The following PIGN variants were observed in gnomAD, a reference collection of about 807,000 sequenced individuals.
The protein encoded by PIGN is phosphatidylinositol glycan anchor biosynthesis class N.
A neutral mutation model predicts 125.4 loss-of-function variants in PIGN; 117 were observed. The ratio of observed to expected loss-of-function variants is 0.93; its 90% confidence interval spans 0.80 to 1.09. The LOEUF (loss-of-function observed/expected upper bound fraction) is 1.09, where lower values mean the gene tolerates loss of function less well. Ranked by LOEUF, PIGN falls within the 50% of genes least tolerant of loss-of-function variation. The pLI, the probability that PIGN is intolerant of heterozygous loss-of-function variation, is 0.00. For missense variants in PIGN, 1,075 were observed against 1,094.9 expected, an observed-to-expected ratio of 0.98 and a Z score of 0.26; for synonymous variants, 392 against 377.8, an observed-to-expected ratio of 1.04 and a Z score of -0.44.
intron 23 of PIGN, among the ~76,000 whole-genome samples, chr18:62,020,431 C>T (rs183295758): frequency 1.5e-4 from 23 of 151,316 alleles, no homozygotes; most frequent in Non-Finnish European, 2.9e-4. Context: ...CGATCTGGAA[C>T]CAGGAGAAAA....
At chr18:62,030,301 G>A (rs528648017) in intron 23 of PIGN, among the ~76,000 whole-genome samples, 1 of 152,202 alleles carries the variant, frequency 6.6e-6, no homozygotes, top group Non-Finnish European at 1.5e-5. Flanking sequence ...GGACTCAGAG[G>A]ACTTGCACAC....
chr18:62,143,359 A>G lies in PIGN; in HGVS notation c.923-13T>C, dbSNP rs1310445964. On this transcript the variant is annotated splice_polypyrimidine_tract_variant and intron_variant, in intron 10 of 30. Transcript: ENST00000640252. ...TCCAATCTCCACTCTGAAAGATACA[A>G]TCAGACACAAGATCTGATGTTAAGA... 4.1e-6 allele frequency: 6 copies of G among 1,477,748 alleles called. No individual in the cohort carries two copies. The highest frequency in any genetic ancestry group is 4.7e-6 in the Non-Finnish European group (5 of 1,069,718). The allele number at this position is 1,477,748 out of a possible 1,614,324, so 91.5% of individuals were successfully genotyped here.
chr18:62,089,493 T>C lies in PIGN; in HGVS notation c.2284-651A>G, dbSNP rs113391760. ...GATGTTTTAATACTCTTTTCTAGAATGAAATACATTTGCTTTTAGTTAAAA... is the reference window on the plus strand; with the variant it reads ...GATGTTTTAATACTCTTTTCTAGAACGAAATACATTTGCTTTTAGTTAAAA... On this transcript the variant is annotated intron_variant, in intron 24 of 30. Transcript: ENST00000640252. Among the ~76,000 whole-genome samples, 482 of 152,240 alleles carry C rather than the reference T, an allele frequency of 3.2e-3. 3 individuals are homozygous for C. Among genetic ancestry groups the C allele is most frequent in the African/African-American group, 0.011 (440 of 41,568 alleles).
chr18:62,049,801 T>C (rs1313491543), intron 30 of PIGN, among the ~76,000 whole-genome samples: 4 of 152,020 alleles, frequency 2.6e-5, no homozygotes, highest in African/African-American at 7.2e-5. Flanking sequence ...TGGTAATGCC[T>C]AGGTTTTCTT....
chr18:62,145,776 T>C (rs2036304677), intron 10 of PIGN, 133 bp downstream of exon 10: 1 of 586,560 alleles, frequency 1.7e-6, no homozygotes, highest in East Asian at 3.0e-5. Context: ...AGTGTTTGTA[T>C]AGAAATAGTA....
At chr18:62,096,352 T>C (rs930745139) in intron 22 of PIGN, among the ~76,000 whole-genome samples, 11 of 152,118 alleles carry the variant, frequency 7.2e-5, no homozygotes. Flanking sequence ...ATGGCATTTA[T>C]TGTTTTGTGA....
At chr18:62,072,523 T>C (rs1282467464) in intron 30 of PIGN, 150 bp downstream of exon 30, 1 of 607,532 alleles carries the variant, frequency 1.6e-6, no homozygotes, top group Non-Finnish European at 2.9e-6. Flanking sequence ...AGCAATAGGC[T>C]GTACCATATC....
intron 23 of PIGN, among the ~76,000 whole-genome samples, chr18:62,030,141 C>T (rs546709631): frequency 1.5e-4 from 23 of 152,314 alleles, no homozygotes; most frequent in Admixed American, 3.3e-4. Context: ...GCCAGAATGT[C>T]GGTTAGCATT....
intron 1 of PIGN, among the ~76,000 whole-genome samples, chr18:62,168,115 C>G (rs1209903010): frequency 1.3e-5 from 2 of 151,878 alleles, no homozygotes; most frequent in African/African-American, 4.8e-5. Flanking sequence ...ACCCCGGAGG[C>G]AGAGGTTGTG....
In PIGN at chr18:62,041,177, C is replaced by T. The variant is rs2030359314; in HGVS notation, c.*4679G>A. Reference sequence around the variant, plus strand: ...TAAGAAAACAAGTTGAAATTTGGTGCAAATTTATTTTTCAGGTAAAAGATA... The same window carrying T: ...TAAGAAAACAAGTTGAAATTTGGTGTAAATTTATTTTTCAGGTAAAAGATA... On this transcript the variant is annotated 3_prime_UTR_variant, in exon 31 of 31. Coordinates refer to ENST00000640252, the MANE Select transcript of PIGN (RefSeq NM_176787.5). 6.6e-6 allele frequency: 1 copy of T among 151,990 alleles called. No individual in the cohort carries two copies. Among genetic ancestry groups the T allele is most frequent in the African/African-American group, 2.4e-5 (1 of 41,378 alleles). 9.4% of individuals were successfully genotyped at this position (151,990 alleles called of 1,614,324 possible).
At chr18:62,143,948 C>T (rs1373418232) in intron 10 of PIGN, among the ~76,000 whole-genome samples, 5 of 151,844 alleles carry the variant, frequency 3.3e-5, no homozygotes, top group African/African-American at 4.8e-5. Flanking sequence ...TATGAGAGAC[C>T]GTCTTGATTT....
chr18:62,051,375 C>T (rs893777617), intron 30 of PIGN, among the ~76,000 whole-genome samples: 38 of 152,286 alleles, frequency 2.5e-4, no homozygotes, highest in Non-Finnish European at 4.7e-4. Flanking sequence ...GCCACAATTT[C>T]AGAGCCTGTT....
chr18:62,096,516 C>CTTTTTTTTTTTTTTTTTTTTTTT, intron 22 of PIGN, among the ~76,000 whole-genome samples: 1 of 85,652 alleles, frequency 1.2e-5, no homozygotes, highest in South Asian at 4.1e-4. Flanking sequence ...GAATTATTTT[C>CTTTTTTTTTTTTTTTTTTTTTTT]TTTTTTTTTT....
intron 10 of PIGN, among the ~76,000 whole-genome samples, chr18:62,144,962 C>T (rs538315217): frequency 1.3e-3 from 191 of 146,598 alleles, no homozygotes; most frequent in African/African-American, 4.5e-3. Flanking sequence ...CCAGCCCATT[C>T]CATTCCTTTA....
Position 62,095,870 on chromosome 18 carries a change from T to C in PIGN, c.2158A>G (p.Thr720Ala), listed in dbSNP as rs757810262. ...LFSILLSLMS[T>A]YLLLSTGYEA... ...TACCCTGTGCTTAGAAGTAGGTAGG[T>C]TGACATCAATGAAAGAAGTATGCTG... The change falls in exon 23 of 31, where the codon ACC becomes GCC. Residue 720 changes from threonine (T) to alanine (A), a missense_variant. By Grantham distance (58) the Thr-to-Ala change is moderately conservative (BLOSUM62 0). Transcript: ENST00000640252. The C allele has an allele frequency of 1.2e-5, 19 of 1,609,802 alleles. No individual in the cohort carries two copies. Among genetic ancestry groups the C allele is most frequent in the East Asian group, 2.2e-5 (1 of 44,834 alleles).
At position 62,147,007 on chromosome 18, in the gene PIGN, A is replaced by G. The variant is rs375496482; in HGVS notation, c.769T>C (p.Phe257Leu). The G allele has an allele frequency of 1.9e-6, 3 of 1,612,260 alleles. No homozygotes were observed. The highest frequency in any genetic ancestry group is 2.7e-5 in the African/African-American group (2 of 74,902). ...HFYGNDGKTTFIFTSDHGMTD... is the reference protein window; with the variant it reads ...HFYGNDGKTTLIFTSDHGMTD... ...ATTCCATGGTCAGAGGTAAAGATAAATGTTGTTTTCCCATCATTTCCATAG... is the reference window on the plus strand; with the variant it reads ...ATTCCATGGTCAGAGGTAAAGATAAGTGTTGTTTTCCCATCATTTCCATAG... The change falls in exon 9 of 31, where the codon TTT becomes CTT. Residue 257 changes from phenylalanine to leucine, a missense_variant. Around this residue, in one of 3 missense-constraint regions of PIGN, gnomAD observed 915 missense variants for 908.7 expected, o/e 1.01. Transcript: ENST00000640252.
intron 30 of PIGN, among the ~76,000 whole-genome samples, chr18:62,071,306 G>A (rs77131871): frequency 0.022 from 3,300 of 152,122 alleles, 103 homozygotes; most frequent in African/African-American, 0.058. Flanking sequence ...TTGAAACCGC[G>A]GATTCAAGCA....
chr18:62,113,235 C>T lies in PIGN; in HGVS notation c.1333G>A (p.Val445Ile), dbSNP rs187036839. The T allele has an allele frequency of 4.5e-5, 72 of 1,612,726 alleles. 1 individual carries two copies. The highest frequency in any genetic ancestry group is 1.2e-4 in the South Asian group (11 of 91,018). The change falls in exon 16 of 31, where the codon GTC becomes ATC. Residue 445 changes from valine to isoleucine, a missense_variant. By Grantham distance (29) the Val-to-Ile change is conservative. Coordinates refer to ENST00000640252, the MANE Select transcript of PIGN (RefSeq NM_176787.5). Reference sequence around the variant, plus strand: ...CCCACAAAACCAATAACAACATTGACGCCCAAAAAGAATCTGTCATATGTG... The same window carrying T: ...CCCACAAAACCAATAACAACATTGATGCCCAAAAAGAATCTGTCATATGTG... Reference protein sequence around the residue: ...YHTYDRFFLGVNVVIGFVGWI... With the variant: ...YHTYDRFFLGINVVIGFVGWI...
downstream of PIGN, among the ~76,000 whole-genome samples, chr18:62,039,481 G>T (rs1413311884): frequency 6.8e-6 from 1 of 146,572 alleles, no homozygotes; most frequent in African/African-American, 2.5e-5. Context: ...CATGTTTAGG[G>T]CCCCATCCAG....
Sources: gnomAD v4.1 joint callset for allele counts (sites outside exome capture counted in the v4.1 genomes callset) on GRCh38, gnomAD v4.1.1 for gene constraint, gnomAD v4.1.1 regional missense constraint, MANE v1.5 for transcripts, NCBI Gene and HGNC (gene_info 2026-07-23, HGNC 2026-07-21) for gene names.